The following TMEM163 variants were observed in gnomAD, a reference collection of about 807,000 sequenced individuals.
The protein encoded by TMEM163 is transmembrane protein 163.
TMEM163 carries 17 observed loss-of-function variants against 29.3 expected under a neutral mutation model. The ratio of observed to expected loss-of-function variants is 0.58; its 90% CI spans 0.40 to 0.87. TMEM163 has a LOEUF of 0.87. TMEM163 is among the 40% of genes least tolerant of loss of function. The pLI is 0.00. For synonymous variants in TMEM163, 157 were observed against 160.6 expected, an observed-to-expected ratio of 0.98 and a Z score of 0.17; for missense variants, 303 against 381.5, an observed-to-expected ratio of 0.79 and a Z score of 1.71.
chr2:134,489,517 C>G (rs1222610587), intron 5 of TMEM163, among the ~76,000 whole-genome samples: 1 of 150,082 alleles, frequency 6.7e-6, no homozygotes, highest in Non-Finnish European at 1.5e-5. Context: ...GCAGAGGTTA[C>G]AGTGAGCCGA....
intron 2 of TMEM163, among the ~76,000 whole-genome samples, chr2:134,570,469 T>TATAC (rs72394533): frequency 0.011 from 1,580 of 145,146 alleles, 19 homozygotes; most frequent in East Asian, 0.031. Context: ...ACTACATATA[T>TATAC]ATATACATAT....
chr2:134,588,835 G>A (rs1209779684), intron 2 of TMEM163, among the ~76,000 whole-genome samples: 1 of 152,034 alleles, frequency 6.6e-6, no homozygotes, highest in Non-Finnish European at 1.5e-5. Flanking sequence ...CAAGTAAACA[G>A]GCAAAACGTT....
At chr2:134,636,179 C>T (rs187168609) in intron 2 of TMEM163, among the ~76,000 whole-genome samples, 21 of 152,290 alleles carry the variant, frequency 1.4e-4, no homozygotes, top group African/African-American at 4.8e-4. Flanking sequence ...CTGTGTCCAC[C>T]ACACCACACC....
intron 2 of TMEM163, among the ~76,000 whole-genome samples, chr2:134,676,333 C>T (rs148372608): frequency 5.0e-4 from 76 of 152,272 alleles, no homozygotes; most frequent in African/African-American, 1.8e-3. Context: ...TCTTCAGAGG[C>T]CTGAATCTCC....
chr2:134,678,634 G>A (rs1050760729), intron 2 of TMEM163, among the ~76,000 whole-genome samples: 8 of 152,164 alleles, frequency 5.3e-5, no homozygotes, highest in Non-Finnish European at 8.8e-5. Context: ...CTCAAGGCCC[G>A]TCTCTGCTAC....
chr2:134,699,352 A>G (rs1309997308), intron 2 of TMEM163, among the ~76,000 whole-genome samples: 1 of 152,158 alleles, frequency 6.6e-6, no homozygotes, highest in African/African-American at 2.4e-5. Flanking sequence ...AAAAATACAA[A>G]AAATTAGCCA....
At chr2:134,521,802 G>C (rs1448490476) in intron 4 of TMEM163, among the ~76,000 whole-genome samples, 1 of 152,208 alleles carries the variant, frequency 6.6e-6, no homozygotes, top group Admixed American at 6.5e-5. Flanking sequence ...CATATCAGAT[G>C]CAGAGCTGCA....
intron 2 of TMEM163, among the ~76,000 whole-genome samples, chr2:134,638,172 A>G (rs1683147236): frequency 1.3e-5 from 2 of 152,142 alleles, no homozygotes; most frequent in Non-Finnish European, 2.9e-5. Context: ...ATAGACACAT[A>G]CCTCATTATT....
chr2:134,684,726 C>A (rs755539711), intron 2 of TMEM163, among the ~76,000 whole-genome samples: 31 of 151,918 alleles, frequency 2.0e-4, no homozygotes, highest in Admixed American at 3.9e-4. Context: ...GAGATTGAGA[C>A]CATCCTGGCC....
At chr2:134,614,534 A>T (rs559160251) in intron 2 of TMEM163, among the ~76,000 whole-genome samples, 1 of 152,222 alleles carries the variant, frequency 6.6e-6, no homozygotes, top group South Asian at 2.1e-4. Flanking sequence ...TCAGTAAAAG[A>T]TTGATAAATT....
At chr2:134,461,926 C>T (rs1363183261) in intron 6 of TMEM163, among the ~76,000 whole-genome samples, 5 of 152,312 alleles carry the variant, frequency 3.3e-5, no homozygotes, top group South Asian at 4.1e-4. Flanking sequence ...CCATCCTGCC[C>T]GCCCACCTTC....
chr2:134,524,190 G>C (rs996032690), intron 4 of TMEM163, among the ~76,000 whole-genome samples: 1 of 152,170 alleles, frequency 6.6e-6, no homozygotes, highest in Non-Finnish European at 1.5e-5. Flanking sequence ...ATTAAAATGA[G>C]CTGCAGTCTT....
chr2:134,615,920 G>A (rs955651859), intron 2 of TMEM163, among the ~76,000 whole-genome samples: 5 of 152,146 alleles, frequency 3.3e-5, no homozygotes, highest in Non-Finnish European at 7.3e-5. Flanking sequence ...GCCTCCCCAA[G>A]TGTTGGAATT....
intron 4 of TMEM163, among the ~76,000 whole-genome samples, chr2:134,544,174 C>G (rs1469606636): frequency 6.6e-6 from 1 of 152,184 alleles, no homozygotes; most frequent in African/African-American, 2.4e-5. Context: ...GCCCTCGCAG[C>G]TGATGGTGGC....
chr2:134,480,663 G>C (rs573527930), intron 5 of TMEM163, among the ~76,000 whole-genome samples: 79 of 152,198 alleles, frequency 5.2e-4, no homozygotes, highest in African/African-American at 1.8e-3. Context: ...GCTAGAAAGT[G>C]GTGCAGACAA....
In TMEM163 at chr2:134,700,901, C is replaced by T. The variant is rs977772118; in HGVS notation, c.322+12299G>A. Reference sequence around the variant, plus strand: ...GGGTGACAAGAACAAAACTCTGTCTCGAAAATACATAAATAAATAAATAAA... The same window carrying T: ...GGGTGACAAGAACAAAACTCTGTCTTGAAAATACATAAATAAATAAATAAA... On this transcript the variant is annotated intron_variant, in intron 2 of 7. Coordinates refer to ENST00000281924, the MANE Select transcript of TMEM163 (RefSeq NM_030923.5). 1.1e-4 allele frequency among the ~76,000 whole-genome samples: 9 copies of T among 80,718 alleles called. No homozygotes were observed. The East Asian group carries it at 2.3e-3, about 20-fold the overall frequency. 53.0% of individuals were successfully genotyped at this position (80,718 alleles called of 152,430 possible). A position where few individuals can be genotyped will look rare whatever the true frequency, so the allele number is the denominator to read the frequency against.
At chr2:134,534,768 A>G (rs1680494577) in intron 4 of TMEM163, among the ~76,000 whole-genome samples, 1 of 152,184 alleles carries the variant, frequency 6.6e-6, no homozygotes, top group Non-Finnish European at 1.5e-5. Flanking sequence ...ATAAAATAAA[A>G]TAAAATAAAA....
At chr2:134,628,213 T>C (rs1285149845) in intron 2 of TMEM163, among the ~76,000 whole-genome samples, 1 of 152,226 alleles carries the variant, frequency 6.6e-6, no homozygotes, top group Non-Finnish European at 1.5e-5. Flanking sequence ...CAAGACAAAA[T>C]GTATATAGCT....
intron 2 of TMEM163, among the ~76,000 whole-genome samples, chr2:134,610,682 T>C (rs997531009): frequency 6.6e-6 from 1 of 152,220 alleles, no homozygotes; most frequent in African/African-American, 2.4e-5. Flanking sequence ...CCTGGAGATT[T>C]CTGTACAAAT....
Sources: allele counts gnomAD v4.1 joint callset (sites outside exome capture counted in the v4.1 genomes callset), GRCh38; gene constraint gnomAD v4.1.1; transcripts MANE v1.5; gene names NCBI Gene and HGNC (gene_info 2026-07-23, HGNC 2026-07-21).